CSMD2: variants seen among roughly 807,000 people sequenced by gnomAD.
CSMD2 encodes the protein CUB and sushi domain-containing protein 2.
Under a neutral mutation model 398.5 loss-of-function variants are expected in CSMD2, and 130 were observed. The observed-to-expected ratio is 0.33, with a 90% confidence interval of 0.28 to 0.38. The LOEUF (loss-of-function observed/expected upper bound fraction) is 0.38. Ranked by LOEUF, CSMD2 falls within the 10% of genes least tolerant of loss-of-function variation. CSMD2 has a pLI of 1.00. For synonymous variants in CSMD2, 1,828 were observed against 1,908.5 expected, an observed-to-expected ratio of 0.96 and a Z score of 1.10; for missense variants, 3,829 against 4,764.9, an observed-to-expected ratio of 0.80 and a Z score of 5.78.
intron 5 of CSMD2, among the ~76,000 whole-genome samples, chr1:33,906,002 C>T (rs1643063835): frequency 6.6e-6 from 1 of 152,212 alleles, no homozygotes; most frequent in South Asian, 2.1e-4. Flanking sequence ...GGATTCTCCA[C>T]TCATTTTCCC....
At chr1:33,874,502 G>A (rs1456679311) in intron 5 of CSMD2, among the ~76,000 whole-genome samples, 2 of 152,178 alleles carry the variant, frequency 1.3e-5, no homozygotes, top group Non-Finnish European at 2.9e-5. Context: ...AAATACCAGA[G>A]TATTTGTATT....
At chr1:33,996,623 T>A (rs913417556) in intron 3 of CSMD2, among the ~76,000 whole-genome samples, 1 of 152,126 alleles carries the variant, frequency 6.6e-6, no homozygotes, top group Non-Finnish European at 1.5e-5. Flanking sequence ...AGCTGGGGCA[T>A]CCAAAGGACA....
intron 26 of CSMD2, among the ~76,000 whole-genome samples, chr1:33,659,651 C>T (rs1308422937): frequency 6.6e-6 from 1 of 152,230 alleles, no homozygotes; most frequent in Non-Finnish European, 1.5e-5. Flanking sequence ...TGAGGATGCA[C>T]ACCCATTCTC....
chr1:33,542,270 C>T (rs946051097), intron 58 of CSMD2, among the ~76,000 whole-genome samples: 1 of 152,118 alleles, frequency 6.6e-6, no homozygotes, highest in Non-Finnish European at 1.5e-5. Context: ...TGGGTGGGGT[C>T]GGGTACAAGG....
intron 3 of CSMD2, among the ~76,000 whole-genome samples, chr1:33,962,954 C>T (rs1645418674): frequency 6.6e-6 from 1 of 152,174 alleles, no homozygotes; most frequent in Non-Finnish European, 1.5e-5. Flanking sequence ...CATTCTTGTC[C>T]TTAGGGCTTA....
In CSMD2 at chr1:33,601,299, G is replaced by A. The variant is rs922102848; in HGVS notation, c.6711-289C>T. On this transcript the variant is annotated intron_variant, in intron 43 of 70. Transcript: ENST00000373381. ...TAGGCTCCATGGAGCAGGGGTGTGGGTCTTACCACAGGTCCTCTCAGTCTG... is the reference window on the plus strand; with the variant it reads ...TAGGCTCCATGGAGCAGGGGTGTGGATCTTACCACAGGTCCTCTCAGTCTG... 2.6e-5 allele frequency among the ~76,000 whole-genome samples: 4 copies of A among 152,244 alleles called. No homozygotes were observed. In the East Asian group the frequency reaches 5.8e-4, roughly 22 times the overall value.
chr1:33,847,865 ATAAT>A (rs1638389132), intron 5 of CSMD2, among the ~76,000 whole-genome samples: 1 of 152,172 alleles, frequency 6.6e-6, no homozygotes, highest in African/African-American at 2.4e-5. Flanking sequence ...ATTAAATGAG[ATAAT>A]ACACAAAAGA....
chr1:33,567,725 T>C lies in CSMD2; in HGVS notation c.8248A>G (p.Ile2750Val), dbSNP rs150009100. The C allele has an allele frequency of 1.2e-6, 2 of 1,613,994 alleles. No individual in the cohort carries two copies. Among genetic ancestry groups the C allele is most frequent in the Non-Finnish European group, 8.5e-7 (1 of 1,180,038 alleles). Residue 2750 changes from isoleucine (I) to valine (V), a missense_variant, in exon 53 of 71, where the codon ATC becomes GTC. Ile to Val is a conservative substitution (Grantham distance 29, BLOSUM62 3). Around this residue, in one of 5 missense-constraint regions of CSMD2, gnomAD observed 917 missense variants for 1,199.5 expected, o/e 0.76. Coordinates refer to ENST00000373381, the MANE Select transcript of CSMD2 (RefSeq NM_001281956.2). The stretch of plus-strand genomic sequence containing the variant: ...CGGTAGCTGTAGTTCTCCCCATTGA[T>C]GTGTCCGTTGACAATGGGCTCAGGA... ...GTPEPIVNGHINGENYSYRGS... is the reference protein window; with the variant it reads ...GTPEPIVNGHVNGENYSYRGS...
chr1:33,935,161 C>T (rs998269206), intron 4 of CSMD2, among the ~76,000 whole-genome samples: 3 of 151,326 alleles, frequency 2.0e-5, no homozygotes, highest in African/African-American at 7.3e-5. Flanking sequence ...TTCCAGGATG[C>T]GGAACTTTCA....
chr1:33,720,486 C>T (rs926278521), intron 19 of CSMD2, among the ~76,000 whole-genome samples: 85 of 152,242 alleles, frequency 5.6e-4, no homozygotes, highest in African/African-American at 1.7e-3. Context: ...GCAAGGGCAA[C>T]GGCAGAGATT....
At chr1:34,021,002 G>T (rs1648801720) in intron 3 of CSMD2, among the ~76,000 whole-genome samples, 1 of 152,112 alleles carries the variant, frequency 6.6e-6, no homozygotes, top group Non-Finnish European at 1.5e-5. Context: ...CTCCAAATCA[G>T]AATCTCCTAC....
chr1:33,982,703 C>T (rs927030999), intron 3 of CSMD2, among the ~76,000 whole-genome samples: 4 of 152,168 alleles, frequency 2.6e-5, no homozygotes, highest in African/African-American at 9.7e-5. Context: ...ATATCCCTGG[C>T]AGAGGGAGCA....
intron 1 of CSMD2, among the ~76,000 whole-genome samples, chr1:34,117,707 G>T (rs951758475): frequency 6.6e-6 from 1 of 151,780 alleles, no homozygotes; most frequent in Non-Finnish European, 1.5e-5. Context: ...ATGAATACAG[G>T]TGCAAAAATC....
intron 33 of CSMD2, among the ~76,000 whole-genome samples, chr1:33,625,511 C>G (rs1356482521): frequency 1.3e-5 from 2 of 152,168 alleles, no homozygotes; most frequent in Non-Finnish European, 2.9e-5. Context: ...ACCTTAGGCC[C>G]AGTTTTGTTC....
chr1:34,123,221 G>GT (rs1662374025), intron 1 of CSMD2, among the ~76,000 whole-genome samples: 1 of 152,142 alleles, frequency 6.6e-6, no homozygotes, highest in Admixed American at 6.5e-5. Context: ...GGGGCTGAAG[G>GT]TTAAGTTGAT....
Position 33,533,728 on chromosome 1 carries a change from A to G in CSMD2, c.9991+68T>C. The G allele has an allele frequency of 3.9e-6, 4 of 1,014,966 alleles. No individual in the cohort carries two copies. The highest frequency in any genetic ancestry group is 4.7e-6 in the Non-Finnish European group (3 of 642,900). The allele number at this position is 1,014,966 out of a possible 1,614,324, so 62.9% of individuals were successfully genotyped here. On this transcript the variant is annotated intron_variant, in intron 63 of 70. Transcript: ENST00000373381. This position sits in a 1 kb window ranked among gnomAD's most constrained non-coding sequence, Gnocchi z 4.2. ...AACTCCCTGTCATTCAGAGCATTCA[A>G]ACATGACCCAGATGCCCAGCTGGGG...
rs61454614 is a variant in CSMD2 at position 33,774,107 on chromosome 1, TTGTGTGTGTGTGTGTGTGTG to T, written c.1664-1376_1664-1357del. ...AGGACAAGGCATTCTATGGCTGGGA[TTGTGTGTGTGTGTGTGTGTG>T]TGTGTGTGTGTGTGTGTGTGTGATC... On this transcript the variant is annotated intron_variant, in intron 12 of 70. Coordinates refer to ENST00000373381, the MANE Select transcript of CSMD2 (RefSeq NM_001281956.2). Among the ~76,000 whole-genome samples the T allele has an allele frequency of 5.5e-3, 779 of 141,716 alleles. 3 individuals are homozygous for T. Among genetic ancestry groups the T allele is most frequent in the African/African-American group, 0.019 (714 of 38,554 alleles). The allele number at this position is 141,716 out of a possible 152,430, so 93.0% of individuals were successfully genotyped here.
At chr1:33,717,667 G>A (rs1646217200) in intron 19 of CSMD2, among the ~76,000 whole-genome samples, 1 of 151,750 alleles carries the variant, frequency 6.6e-6, no homozygotes, top group Admixed American at 6.6e-5. Flanking sequence ...GTAGATTTGA[G>A]TCACCAGCAA....
chr1:33,818,173 G>A (rs1017173115), intron 9 of CSMD2, among the ~76,000 whole-genome samples: 1 of 152,206 alleles, frequency 6.6e-6, no homozygotes, highest in Non-Finnish European at 1.5e-5. Flanking sequence ...ATTCTGAAAC[G>A]ACAGATGGGC....
Sources: gnomAD v4.1 joint callset for allele counts (sites outside exome capture counted in the v4.1 genomes callset) on GRCh38, gnomAD v4.1.1 for gene constraint, gnomAD v4.1.1 regional missense constraint, Gnocchi (gnomAD v3.1) non-coding constraint, MANE v1.5 for transcripts, NCBI Gene and HGNC (gene_info 2026-07-23, HGNC 2026-07-21) for gene names.